Variants in MALRD1 observed in about 807,000 individuals in gnomAD.
MALRD1 encodes MAM and LDL receptor class A domain containing 1.
In MALRD1, 247 loss-of-function variants were observed where a neutral mutation model predicts 242.1. The ratio of observed to expected loss-of-function variants is 1.02; its 90% CI spans 0.92 to 1.13. MALRD1 has a LOEUF of 1.13. Ranked by LOEUF, MALRD1 falls within the 50% of genes most tolerant of loss-of-function variation. MALRD1 has a pLI of 0.00. For synonymous variants in MALRD1, 995 were observed against 866.6 expected, an observed-to-expected ratio of 1.15 and a Z score of -2.60; for missense variants, 2,989 against 2,533.1, an observed-to-expected ratio of 1.18 and a Z score of -3.86.
chr10:19,641,732 G>T (rs1159110920), intron 36 of MALRD1, among the ~76,000 whole-genome samples: 1 of 152,130 alleles, frequency 6.6e-6, no homozygotes, highest in Non-Finnish European at 1.5e-5. Flanking sequence ...CCTTATGCAA[G>T]CTCATTAGTT....
Position 19,203,778 on chromosome 10 carries a change from A to C in MALRD1, c.2002A>C (p.Ser668Arg). The change falls in exon 15 of 40, where the codon AGT becomes CGT. Residue 668 changes from serine (S) to arginine (R), a missense_variant. Physicochemically the swap from Ser to Arg is moderately radical, Grantham distance 110. Coordinates refer to ENST00000454679, the MANE Select transcript of MALRD1 (RefSeq NM_001142308.3). ...CAGCTGTGATTGGTTTGAAGCAATT[A>C]GTGGTGACCATTTTGACTGGATACG... ...ANSCDWFEAI[S>R]GDHFDWIRSS... 6.4e-7 allele frequency: 1 copy of C among 1,550,596 alleles called. No homozygotes were observed. The highest frequency in any genetic ancestry group is 8.7e-7 in the Non-Finnish European group (1 of 1,146,902).
At chr10:19,218,787 T>C (rs906600976) in intron 18 of MALRD1, among the ~76,000 whole-genome samples, 1 of 152,132 alleles carries the variant, frequency 6.6e-6, no homozygotes, top group Non-Finnish European at 1.5e-5. Flanking sequence ...ATCCATATTA[T>C]TCACAGAAGT....
intron 19 of MALRD1, among the ~76,000 whole-genome samples, chr10:19,269,372 C>A (rs1840101619): frequency 6.6e-6 from 1 of 152,228 alleles, no homozygotes; most frequent in Non-Finnish European, 1.5e-5. Flanking sequence ...CTCTCTCTTT[C>A]TATATACTGC....
At chr10:19,710,225 T>G (rs1459854965) in intron 38 of MALRD1, 1 of 152,146 alleles carries the variant, frequency 6.6e-6, no homozygotes, top group Non-Finnish European at 1.5e-5. Flanking sequence ...CCTAAGTTCC[T>G]GAAAAGCAGT....
At chr10:19,099,541 A>G (rs1836172592) in intron 4 of MALRD1, among the ~76,000 whole-genome samples, 1 of 152,096 alleles carries the variant, frequency 6.6e-6, no homozygotes, top group African/African-American at 2.4e-5. Context: ...TAGGAACTCC[A>G]TGATCTCTCC....
intron 38 of MALRD1, among the ~76,000 whole-genome samples, chr10:19,729,147 G>C (rs1835172033): frequency 6.6e-6 from 1 of 152,178 alleles, no homozygotes; most frequent in Non-Finnish European, 1.5e-5. Flanking sequence ...TGAATCCACA[G>C]GGACAATGTA....
chr10:19,396,959 A>T (rs1173820266), intron 28 of MALRD1, among the ~76,000 whole-genome samples: 2 of 152,102 alleles, frequency 1.3e-5, no homozygotes, highest in Non-Finnish European at 2.9e-5. Context: ...TTTATTTTTT[A>T]AATTATTTTT....
chr10:19,702,807 C>T (rs941564558), intron 38 of MALRD1, among the ~76,000 whole-genome samples: 5 of 152,148 alleles, frequency 3.3e-5, no homozygotes, highest in African/African-American at 9.7e-5. Context: ...TTCATGTAAG[C>T]AGAAAACCAT....
chr10:19,463,114 A>G (rs1294770698), intron 29 of MALRD1, among the ~76,000 whole-genome samples: 1 of 152,170 alleles, frequency 6.6e-6, no homozygotes, highest in Non-Finnish European at 1.5e-5. Flanking sequence ...GAGAACCAAT[A>G]GCCTACCACA....
intron 28 of MALRD1, among the ~76,000 whole-genome samples, chr10:19,391,635 G>A (rs1227967713): frequency 2.6e-5 from 4 of 152,068 alleles, no homozygotes; most frequent in Admixed American, 6.6e-5. Flanking sequence ...CCTCCACACC[G>A]AGTCGCACCC....
intron 28 of MALRD1, among the ~76,000 whole-genome samples, chr10:19,435,547 T>C (rs962825717): frequency 2.0e-5 from 3 of 152,130 alleles, no homozygotes; most frequent in African/African-American, 7.2e-5. Flanking sequence ...TGCCCATTAA[T>C]TGGTATTTAA....
Position 19,656,578 on chromosome 10 carries a change from C to T in MALRD1, c.6138-35704C>T, listed in dbSNP as rs1192186423. 2.0e-5 allele frequency among the ~76,000 whole-genome samples: 3 copies of T among 152,030 alleles called. No individual in the cohort carries two copies. In the East Asian group the frequency reaches 5.8e-4, roughly 29 times the overall value. On this transcript the variant is annotated intron_variant, in intron 36 of 39. Transcript: ENST00000454679. ...CCCTGGCAGTATTTCACACAGCAAACATTTTTTTTTTCTGTCTGACTCAAA... is the reference window on the plus strand; with the variant it reads ...CCCTGGCAGTATTTCACACAGCAAATATTTTTTTTTTCTGTCTGACTCAAA...
At chr10:19,649,072 G>T (rs1840763005) in intron 36 of MALRD1, among the ~76,000 whole-genome samples, 1 of 152,142 alleles carries the variant, frequency 6.6e-6, no homozygotes, top group Non-Finnish European at 1.5e-5. Flanking sequence ...ATATGATCTT[G>T]TTCTTTTTAT....
At chr10:19,193,476 G>A (rs559901852) in intron 14 of MALRD1, among the ~76,000 whole-genome samples, 14 of 152,240 alleles carry the variant, frequency 9.2e-5, no homozygotes, top group African/African-American at 3.1e-4. Context: ...GATCTCTTGA[G>A]CCTGGGAGGT....
At chr10:19,111,052 A>G (rs374722149) in intron 5 of MALRD1, among the ~76,000 whole-genome samples, 16 of 152,190 alleles carry the variant, frequency 1.1e-4, no homozygotes, top group African/African-American at 3.6e-4. Flanking sequence ...CATTTTAGAT[A>G]TAAATTTCTC....
chr10:19,598,191 T>C (rs1042532861), intron 34 of MALRD1: 8 of 152,120 alleles, frequency 5.3e-5, no homozygotes, highest in African/African-American at 9.7e-5. Flanking sequence ...ATATTATTAA[T>C]AGACTTAAGG....
intron 26 of MALRD1, among the ~76,000 whole-genome samples, chr10:19,376,051 G>A (rs144367321): frequency 1.3e-5 from 2 of 152,350 alleles, no homozygotes; most frequent in East Asian, 3.9e-4. Flanking sequence ...GAACCCAGGA[G>A]ATGGAGGTTG....
chr10:19,559,711 A>G (rs1167477367), intron 32 of MALRD1, among the ~76,000 whole-genome samples: 1 of 152,128 alleles, frequency 6.6e-6, no homozygotes. Flanking sequence ...AACCTAGAGA[A>G]TGGGAGAAAA....
At chr10:19,589,432 A>T (rs1589276238) in intron 33 of MALRD1, among the ~76,000 whole-genome samples, 1 of 152,204 alleles carries the variant, frequency 6.6e-6, no homozygotes, top group African/African-American at 2.4e-5. Context: ...TACAAAGAAT[A>T]AATCAGTTGC....
Sources: gnomAD v4.1 joint callset for allele counts (sites outside exome capture counted in the v4.1 genomes callset) on GRCh38, gnomAD v4.1.1 for gene constraint, MANE v1.5 for transcripts, NCBI Gene and HGNC (gene_info 2026-07-23, HGNC 2026-07-21) for gene names.